RAP1GDS1: variants seen among roughly 807,000 people sequenced by gnomAD.
RAP1GDS1 encodes Rap1 GTPase-GDP dissociation stimulator 1.
RAP1GDS1 carries 35 observed loss-of-function variants against 71.1 expected under a neutral mutation model. That is an observed-to-expected ratio of 0.49 (90% CI 0.38 to 0.65). The LOEUF is 0.65. Ranked by LOEUF, RAP1GDS1 falls within the 30% of genes least tolerant of loss-of-function variation. The pLI, the probability that RAP1GDS1 is intolerant of heterozygous loss-of-function variation, is 0.00. For missense variants in RAP1GDS1, 663 were observed against 706.1 expected, an observed-to-expected ratio of 0.94 and a Z score of 0.69; for synonymous variants, 229 against 243.1, an observed-to-expected ratio of 0.94 and a Z score of 0.54.
At chr4:98,287,922 GTTTCATATTC>G (rs1345006220) in intron 1 of RAP1GDS1, among the ~76,000 whole-genome samples, 2 of 151,974 alleles carry the variant, frequency 1.3e-5, no homozygotes, top group Admixed American at 6.6e-5. Flanking sequence ...ATTCACATTA[GTTTCATATTC>G]TTTTTAATTT....
chr4:98,388,744 A>AATT (rs1743155723), intron 5 of RAP1GDS1, among the ~76,000 whole-genome samples: 1 of 152,094 alleles, frequency 6.6e-6, no homozygotes, highest in African/African-American at 2.4e-5. Flanking sequence ...TTTTTTTTAA[A>AATT]ATTAGGTAGT....
At chr4:98,270,007 C>G (rs1723232474) in intron 1 of RAP1GDS1, among the ~76,000 whole-genome samples, 1 of 152,134 alleles carries the variant, frequency 6.6e-6, no homozygotes, top group Non-Finnish European at 1.5e-5. Flanking sequence ...TATCAGAGTT[C>G]TGGAGTCTGG....
intron 2 of RAP1GDS1, among the ~76,000 whole-genome samples, chr4:98,335,931 T>C (rs999208960): frequency 8.5e-5 from 13 of 152,112 alleles, no homozygotes; most frequent in Non-Finnish European, 1.6e-4. Flanking sequence ...AGATGCCCTA[T>C]TAAGAAGTGA....
intron 4 of RAP1GDS1, among the ~76,000 whole-genome samples, chr4:98,367,810 A>G (rs989673315): frequency 6.6e-6 from 1 of 152,234 alleles, no homozygotes; most frequent in Non-Finnish European, 1.5e-5. Context: ...TCCAATGCCT[A>G]TAGCCCCATT....
chr4:98,428,837 T>C (rs1749988606), intron 12 of RAP1GDS1, among the ~76,000 whole-genome samples: 1 of 152,206 alleles, frequency 6.6e-6, no homozygotes, highest in South Asian at 2.1e-4. Context: ...ATCCCACTAC[T>C]GGGTATCTGC....
At chr4:98,344,465 A>G (rs1222568860) in intron 3 of RAP1GDS1, among the ~76,000 whole-genome samples, 1 of 152,072 alleles carries the variant, frequency 6.6e-6, no homozygotes, top group Non-Finnish European at 1.5e-5. Flanking sequence ...CTTTTTTCTT[A>G]AGCATTCTTA....
intron 7 of RAP1GDS1, among the ~76,000 whole-genome samples, chr4:98,408,118 C>A (rs1250514272): frequency 6.7e-6 from 1 of 149,606 alleles, no homozygotes; most frequent in African/African-American, 2.5e-5. Flanking sequence ...TTTTTTTTCC[C>A]TCCCCCGCAA....
At chr4:98,441,490 T>C in intron 14 of RAP1GDS1, 1 of 985,146 alleles carries the variant, frequency 1.0e-6, no homozygotes, top group Non-Finnish European at 1.2e-6. Flanking sequence ...ATATTTGAAC[T>C]GGTGATAGGG....
chr4:98,321,623 T>C (rs1250842489), intron 2 of RAP1GDS1, among the ~76,000 whole-genome samples: 5 of 151,150 alleles, frequency 3.3e-5, no homozygotes, highest in Admixed American at 1.3e-4. Flanking sequence ...TTCAACATTC[T>C]TAAAGAAAAG....
chr4:98,283,199 T>C (rs1315602694), intron 1 of RAP1GDS1, among the ~76,000 whole-genome samples: 2 of 152,210 alleles, frequency 1.3e-5, no homozygotes, highest in Non-Finnish European at 2.9e-5. Flanking sequence ...TTGATGTAGT[T>C]GTGTTTCAGA....
intron 6 of RAP1GDS1, among the ~76,000 whole-genome samples, chr4:98,393,861 AAT>A (rs1744107193): frequency 6.6e-6 from 1 of 152,202 alleles, no homozygotes; most frequent in South Asian, 2.1e-4. Context: ...GGTGAAATAA[AAT>A]ATTAAAATGT....
intron 3 of RAP1GDS1, among the ~76,000 whole-genome samples, chr4:98,345,244 G>A (rs1736057361): frequency 6.6e-6 from 1 of 152,188 alleles, no homozygotes; most frequent in African/African-American, 2.4e-5. Context: ...GAAAAAGATT[G>A]TATGAACCAG....
At chr4:98,311,277 T>C (rs183614864) in intron 2 of RAP1GDS1, among the ~76,000 whole-genome samples, 18 of 152,332 alleles carry the variant, frequency 1.2e-4, no homozygotes, top group African/African-American at 4.1e-4. Flanking sequence ...TAGAGGAATA[T>C]AAATGTAAGC....
intron 4 of RAP1GDS1, among the ~76,000 whole-genome samples, chr4:98,358,052 C>G (rs1016931322): frequency 2.0e-5 from 3 of 151,972 alleles, no homozygotes. Flanking sequence ...TGTATAAGCA[C>G]TGATTTCACT....
intron 1 of RAP1GDS1, among the ~76,000 whole-genome samples, chr4:98,269,764 G>A (rs967789331): frequency 1.3e-5 from 2 of 152,106 alleles, no homozygotes; most frequent in Non-Finnish European, 2.9e-5. Flanking sequence ...CAGATTTTTG[G>A]ATTAGGGATG....
At chr4:98,427,311 T>C (rs1369251367) in intron 12 of RAP1GDS1, among the ~76,000 whole-genome samples, 3 of 152,010 alleles carry the variant, frequency 2.0e-5, no homozygotes, top group Non-Finnish European at 2.9e-5. Context: ...TGGAACAAGA[T>C]AAGGATGCCC....
intron 12 of RAP1GDS1, 141 bp downstream of exon 12, chr4:98,421,535 T>A: frequency 1.1e-6 from 1 of 900,106 alleles, no homozygotes; most frequent in Non-Finnish European, 1.5e-6. Flanking sequence ...ATAATGTGCT[T>A]AGCTGATACA....
intron 2 of RAP1GDS1, among the ~76,000 whole-genome samples, chr4:98,317,812 C>CTATATA (rs535958236): frequency 1.5e-5 from 2 of 129,546 alleles, no homozygotes; most frequent in Non-Finnish European, 3.3e-5. Flanking sequence ...TGATATTTGA[C>CTATATA]TATATATATA....
At chr4:98,309,704 A>T (rs144515935) in intron 2 of RAP1GDS1, among the ~76,000 whole-genome samples, 54 of 152,094 alleles carry the variant, frequency 3.6e-4, no homozygotes, top group Admixed American at 5.2e-4. Flanking sequence ...ATTGAATATA[A>T]AATACTACGT....
Sources: allele counts gnomAD v4.1 joint callset (sites outside exome capture counted in the v4.1 genomes callset), GRCh38; gene constraint gnomAD v4.1.1; transcripts MANE v1.5; gene names NCBI Gene and HGNC (gene_info 2026-07-23, HGNC 2026-07-21).